Variants in GRID2 observed in about 807,000 individuals in gnomAD.
The protein encoded by GRID2 is glutamate ionotropic receptor delta type subunit 2.
GRID2 carries 33 observed loss-of-function variants against 114.8 expected under a neutral mutation model. That is an observed-to-expected ratio of 0.29 (90% CI 0.22 to 0.38). The LOEUF is 0.38. Among genes scored for constraint, GRID2 ranks in the 10% least tolerant of loss-of-function variants. GRID2 has a pLI of 1.00. For synonymous variants in GRID2, 505 were observed against 449.9 expected, an observed-to-expected ratio of 1.12 and a Z score of -1.55; for missense variants, 1,184 against 1,257.7, an observed-to-expected ratio of 0.94 and a Z score of 0.89.
chr4:92,706,834 A>G (rs2149306017), intron 2 of GRID2, among the ~76,000 whole-genome samples: 1 of 152,326 alleles, frequency 6.6e-6, no homozygotes, highest in African/African-American at 2.4e-5. Context: ...ACTACTGTCT[A>G]AAGTGAAATA....
intron 2 of GRID2, among the ~76,000 whole-genome samples, chr4:92,809,327 G>T (rs775756492): frequency 1.8e-4 from 28 of 151,948 alleles, no homozygotes; most frequent in Middle Eastern, 3.4e-3. Flanking sequence ...AATTCTGAGG[G>T]AACTATTGTC....
chr4:93,192,665 T>A (rs1741095252), intron 4 of GRID2, among the ~76,000 whole-genome samples: 2 of 146,668 alleles, frequency 1.4e-5, no homozygotes, highest in African/African-American at 5.1e-5. Flanking sequence ...GAGAATTGCT[T>A]GAACCTGGGA....
At chr4:92,381,029 A>G (rs1194313200) in intron 1 of GRID2, among the ~76,000 whole-genome samples, 2 of 151,998 alleles carry the variant, frequency 1.3e-5, no homozygotes, top group Non-Finnish European at 2.9e-5. Flanking sequence ...TTTTTCCAAT[A>G]TTAACCTGTT....
At chr4:92,679,040 A>C (rs569361035) in intron 2 of GRID2, among the ~76,000 whole-genome samples, 9 of 151,852 alleles carry the variant, frequency 5.9e-5, no homozygotes, top group Middle Eastern at 6.8e-3. Context: ...AAATTAATTA[A>C]ATATTAGCAG....
chr4:92,830,078 TC>T (rs1477894889), intron 2 of GRID2, among the ~76,000 whole-genome samples: 1 of 150,506 alleles, frequency 6.6e-6, no homozygotes, highest in Non-Finnish European at 1.5e-5. Context: ...ACATATGTAT[TC>T]CAGCGCTTAA....
intron 8 of GRID2, among the ~76,000 whole-genome samples, chr4:93,258,479 C>G (rs1749870405): frequency 6.6e-6 from 1 of 151,448 alleles, no homozygotes; most frequent in South Asian, 2.1e-4. Context: ...ATCAATATTA[C>G]TTTCATGTAT....
chr4:93,668,796 G>A (rs537720473), intron 14 of GRID2, among the ~76,000 whole-genome samples: 1 of 152,140 alleles, frequency 6.6e-6, no homozygotes, highest in South Asian at 2.1e-4. Context: ...TCTTAAAGGT[G>A]CATGGGAGTG....
At chr4:93,453,316 A>AGATGGG (rs1553932509) in intron 10 of GRID2, among the ~76,000 whole-genome samples, 1 of 127,210 alleles carries the variant, frequency 7.9e-6, no homozygotes, top group Non-Finnish European at 1.6e-5. Flanking sequence ...AGAGATGGGA[A>AGATGGG]AGAGAGAGAG....
chr4:92,488,345 C>T (rs1367637187), intron 1 of GRID2, among the ~76,000 whole-genome samples: 4 of 152,130 alleles, frequency 2.6e-5, no homozygotes, highest in African/African-American at 9.7e-5. Context: ...AAATCAACTT[C>T]CCCAGTATGT....
intron 1 of GRID2, among the ~76,000 whole-genome samples, chr4:92,400,883 A>G (rs1162169889): frequency 6.6e-6 from 1 of 152,162 alleles, no homozygotes; most frequent in Non-Finnish European, 1.5e-5. Context: ...TTACATGGCC[A>G]CTTGTATATC....
At chr4:92,497,708 A>T (rs762361419) in intron 1 of GRID2, among the ~76,000 whole-genome samples, 140 of 151,894 alleles carry the variant, frequency 9.2e-4, no homozygotes, top group Middle Eastern at 6.8e-3. Context: ...ATCACTAATT[A>T]TTTCCCTGCA....
intron 2 of GRID2, among the ~76,000 whole-genome samples, chr4:92,713,040 C>T (rs1376201249): frequency 6.6e-6 from 1 of 150,676 alleles, no homozygotes; most frequent in Non-Finnish European, 1.5e-5. Context: ...TACATGTGCA[C>T]AACGTGCAGA....
At chr4:92,547,193 A>C (rs1489228078) in intron 1 of GRID2, among the ~76,000 whole-genome samples, 1 of 152,296 alleles carries the variant, frequency 6.6e-6, no homozygotes, top group East Asian at 1.9e-4. Flanking sequence ...TCAGTTTCTC[A>C]TGTATAAAAT....
At chr4:93,561,740 C>A (rs1734946904) in intron 13 of GRID2, among the ~76,000 whole-genome samples, 1 of 152,128 alleles carries the variant, frequency 6.6e-6, no homozygotes, top group African/African-American at 2.4e-5. Context: ...TGCTTCCATA[C>A]TTTTGTCTTT....
intron 8 of GRID2, among the ~76,000 whole-genome samples, chr4:93,343,565 A>G (rs1361306066): frequency 2.0e-5 from 3 of 152,150 alleles, no homozygotes; most frequent in African/African-American, 7.2e-5. Flanking sequence ...AATGGTCTCT[A>G]AAAGTTAAAT....
intron 2 of GRID2, among the ~76,000 whole-genome samples, chr4:93,004,463 A>G (rs1044863262): frequency 1.3e-5 from 2 of 152,034 alleles, no homozygotes; most frequent in African/African-American, 4.8e-5. Flanking sequence ...TCATGTACTT[A>G]AAGCCTTGCT....
At chr4:93,264,466 C>A (rs962515346) in intron 8 of GRID2, among the ~76,000 whole-genome samples, 1 of 151,728 alleles carries the variant, frequency 6.6e-6, no homozygotes, top group Non-Finnish European at 1.5e-5. Flanking sequence ...TGTAAGCTTT[C>A]CAGCAAAACA....
At chr4:93,550,890 A>G (rs1215503552) in intron 13 of GRID2, among the ~76,000 whole-genome samples, 1 of 152,176 alleles carries the variant, frequency 6.6e-6, no homozygotes, top group African/African-American at 2.4e-5. Flanking sequence ...GTATTTAGTC[A>G]TCCAGTAAAA....
chr4:92,548,231 G>A (rs1480338067), intron 1 of GRID2, among the ~76,000 whole-genome samples: 1 of 151,946 alleles, frequency 6.6e-6, no homozygotes, highest in Non-Finnish European at 1.5e-5. Context: ...AGGACAAGGT[G>A]TATGTCTTCC....
Sources: gnomAD v4.1 joint callset for allele counts (sites outside exome capture counted in the v4.1 genomes callset) on GRCh38, gnomAD v4.1.1 for gene constraint, MANE v1.5 for transcripts, NCBI Gene and HGNC (gene_info 2026-07-23, HGNC 2026-07-21) for gene names.